NIPAL3: variants seen among roughly 807,000 people sequenced by gnomAD.
NIPAL3 encodes NIPA like domain containing 3.
Under a neutral mutation model 47.2 loss-of-function variants are expected in NIPAL3, and 41 were observed. The observed-to-expected ratio is 0.87, with a 90% CI of 0.68 to 1.13. The LOEUF (loss-of-function observed/expected upper bound fraction) is 1.13, where lower values mean the gene tolerates loss of function less well. Among genes scored for constraint, NIPAL3 ranks in the 50% most tolerant of loss-of-function variants. The pLI is 0.00. For missense variants in NIPAL3, 449 were observed against 530.1 expected, an observed-to-expected ratio of 0.85 and a Z score of 1.50; for synonymous variants, 194 against 209.6, an observed-to-expected ratio of 0.93 and a Z score of 0.64.
Position 24,451,503 on chromosome 1 carries a change from G to A in NIPAL3, c.540+1877G>A, listed in dbSNP as rs1645935384. The stretch of plus-strand genomic sequence containing the variant: ...TTGAGCCCAGGAACTTGAGACCAGT[G>A]TGGGCAATGTGGCAAAACCCCGTCT... On this transcript the variant is annotated intron_variant, in intron 6 of 11. Coordinates refer to ENST00000374399, the MANE Select transcript of NIPAL3 (RefSeq NM_020448.5). This position sits in a 1 kb window ranked among gnomAD's most constrained non-coding sequence, Gnocchi z 4.5. 6.6e-6 allele frequency among the ~76,000 whole-genome samples: 1 copy of A among 151,856 alleles called. No homozygotes were observed. Among genetic ancestry groups the A allele is most frequent in the Non-Finnish European group, 1.5e-5 (1 of 67,990 alleles).
intron 2 of NIPAL3, among the ~76,000 whole-genome samples, chr1:24,429,959 A>T (rs1170431121): frequency 6.6e-6 from 1 of 152,214 alleles, no homozygotes; most frequent in East Asian, 1.9e-4. Flanking sequence ...TATTGGTATG[A>T]TTGACTGAAA....
At chr1:24,441,994 ACAT>A in intron 3 of NIPAL3, 58 bp from the exon 4 acceptor site, 1 of 1,565,422 alleles carries the variant, frequency 6.4e-7, no homozygotes, top group Non-Finnish European at 8.7e-7. Context: ...TAGGGTACCT[ACAT>A]CATAGCATTT....
At chr1:24,447,148 C>T (rs1645708179) in intron 5 of NIPAL3, among the ~76,000 whole-genome samples, 3 of 152,170 alleles carry the variant, frequency 2.0e-5, no homozygotes, top group Admixed American at 1.3e-4. Context: ...GATGGTGGCC[C>T]AAGCTCTGTC....
chr1:24,441,685 C>A (rs1645392180), intron 3 of NIPAL3, among the ~76,000 whole-genome samples: 1 of 152,110 alleles, frequency 6.6e-6, no homozygotes, highest in Non-Finnish European at 1.5e-5. Flanking sequence ...AAGGGCCAGG[C>A]CAAGTGGGAT....
chr1:24,449,594 C>T lies in NIPAL3; in HGVS notation c.508C>T (p.His170Tyr), dbSNP rs1028633761. The change falls in exon 6 of 12, where the codon CAC becomes TAC. Residue 170 changes from histidine to tyrosine, a missense_variant. Coordinates refer to ENST00000374399, the MANE Select transcript of NIPAL3 (RefSeq NM_020448.5). This position sits in a 1 kb window ranked among gnomAD's most constrained non-coding sequence, Gnocchi z 4.5. ...EKMTGENVTR[H>Y]LVSWPFLLYM... ...GATGACAGGCGAGAATGTCACCAGG[C>T]ACCTCGTGAGCTGGCCTTTCCTTTT... 5 of 1,613,964 alleles carry T rather than the reference C, an allele frequency of 3.1e-6. No individual in the cohort carries two copies. The highest frequency in any genetic ancestry group is 4.2e-6 in the Non-Finnish European group (5 of 1,179,986).
chr1:24,445,300 T>C lies in NIPAL3; in HGVS notation c.394+56T>C, dbSNP rs1570303692. 26 of 1,235,970 alleles carry C rather than the reference T, an allele frequency of 2.1e-5. 1 individual carries two copies. The highest frequency in any genetic ancestry group is 3.0e-5 in the Non-Finnish European group (25 of 838,242). 76.6% of individuals were successfully genotyped at this position (1,235,970 alleles called of 1,614,324 possible). A position where few individuals can be genotyped will look rare whatever the true frequency, so the allele number is the denominator to read the frequency against. On this transcript the variant is annotated intron_variant, in intron 5 of 11. Coordinates refer to ENST00000374399, the MANE Select transcript of NIPAL3 (RefSeq NM_020448.5). Reference sequence around the variant, plus strand: ...ATTTTATATGAACGCTTTTTATTAATTGTAAAACCAGTTCACTCTAATTCA... The same window carrying C: ...ATTTTATATGAACGCTTTTTATTAACTGTAAAACCAGTTCACTCTAATTCA...
rs929664030 is a variant in NIPAL3 at position 24,437,069 on chromosome 1, G to C, written c.94-3103G>C. ...GATTGAGACCATCCTGGATAACACG[G>C]TGAAACCCACCTCTCTACTAAAAAT... is the stretch of plus-strand genomic sequence containing the variant. On this transcript the variant is annotated intron_variant, in intron 2 of 11. Coordinates refer to ENST00000374399, the MANE Select transcript of NIPAL3 (RefSeq NM_020448.5). Among the ~76,000 whole-genome samples, 5 of 152,102 alleles carry C rather than the reference G, an allele frequency of 3.3e-5. No homozygotes were observed. The East Asian group carries it at 9.8e-4, about 30-fold the overall frequency.
intron 2 of NIPAL3, among the ~76,000 whole-genome samples, chr1:24,425,939 C>T (rs1644566563): frequency 1.3e-5 from 2 of 152,174 alleles, no homozygotes; most frequent in African/African-American, 4.8e-5. Context: ...CCTTTAGCCA[C>T]CCTTTCATAG....
chr1:24,448,059 C>T (rs937745895), intron 5 of NIPAL3, among the ~76,000 whole-genome samples: 8 of 152,216 alleles, frequency 5.3e-5, no homozygotes, highest in African/African-American at 9.6e-5. Flanking sequence ...TGAGTTTAAC[C>T]GTGGCTCATT....
rs10664394 is a variant in NIPAL3, at chr1:24,471,578, CA to C, written c.*2413del. The C allele has an allele frequency of 2.9e-3, 227 of 77,030 alleles. 4 individuals carry two copies. In the South Asian group the frequency reaches 0.03, roughly 10 times the overall value. The allele number at this position is 77,030 out of a possible 1,614,324, so 4.8% of individuals were successfully genotyped here. A position where few individuals can be genotyped will look rare whatever the true frequency, so the allele number is the denominator to read the frequency against. ...CCTGGGTGACAATGAGACCATGGCT[CA>C]AAAAAAAAAAAAAAAAAAAGATAAG... On this transcript the variant is annotated 3_prime_UTR_variant, in exon 12 of 12. Transcript: ENST00000374399.
At chr1:24,435,286 A>C (rs1043112159) in intron 2 of NIPAL3, among the ~76,000 whole-genome samples, 1 of 152,268 alleles carries the variant, frequency 6.6e-6, no homozygotes, top group African/African-American at 2.4e-5. Context: ...GCTAAATGTA[A>C]GAGCTAAAAT....
intron 2 of NIPAL3, among the ~76,000 whole-genome samples, chr1:24,437,865 T>C (rs1208591927): frequency 6.6e-6 from 1 of 151,966 alleles, no homozygotes; most frequent in Non-Finnish European, 1.5e-5. Flanking sequence ...CCCAGCAAAA[T>C]CAGGGTGTCG....
In NIPAL3 at chr1:24,454,953, C is replaced by T. The variant is rs1646125069; in HGVS notation, c.638-1185C>T. 6.6e-6 allele frequency: 1 copy of T among 152,196 alleles called. No individual in the cohort carries two copies. The highest frequency in any genetic ancestry group is 1.5e-5 in the Non-Finnish European group (1 of 68,044). 9.4% of individuals were successfully genotyped at this position (152,196 alleles called of 1,614,324 possible). On this transcript the variant is annotated intron_variant, in intron 7 of 11. Transcript: ENST00000374399. This position sits in a 1 kb window ranked among gnomAD's most constrained non-coding sequence, Gnocchi z 4.1. ...GGAAGGATCACGGCCCTGAAACATCCTCTCCTCTTACGTAGGAAGGCCAGA... is the reference window on the plus strand; with the variant it reads ...GGAAGGATCACGGCCCTGAAACATCTTCTCCTCTTACGTAGGAAGGCCAGA...
At chr1:24,446,069 C>CGT (rs58016013) in intron 5 of NIPAL3, among the ~76,000 whole-genome samples, 4,820 of 147,734 alleles carry the variant, frequency 0.033, 165 homozygotes, top group African/African-American at 0.087. Flanking sequence ...AGATTATAGT[C>CGT]GTGTGTGTGT....
chr1:24,454,530 A>G lies in NIPAL3; in HGVS notation c.637+1026A>G. 2 of 989,578 alleles carry G rather than the reference A, an allele frequency of 2.0e-6. No homozygotes were observed. The highest frequency in any genetic ancestry group is 4.6e-5 in the South Asian group (1 of 21,734). 61.3% of individuals were successfully genotyped at this position (989,578 alleles called of 1,614,324 possible). A position where few individuals can be genotyped will look rare whatever the true frequency, so the allele number is the denominator to read the frequency against. The stretch of plus-strand genomic sequence containing the variant: ...ACCAAATAGATACCTGTCACCGAAG[A>G]CAGGGTTTCCTTAATTTTTTAACAG... On this transcript the variant is annotated intron_variant, in intron 7 of 11. Coordinates refer to ENST00000374399, the MANE Select transcript of NIPAL3 (RefSeq NM_020448.5). The surrounding 1 kb of genome is among the most constrained non-coding windows in gnomAD (Gnocchi z 4.1).
chr1:24,444,406 A>G (rs897396628), intron 4 of NIPAL3, among the ~76,000 whole-genome samples: 1 of 152,340 alleles, frequency 6.6e-6, no homozygotes, highest in South Asian at 2.1e-4. Flanking sequence ...CCTGATTTGT[A>G]GCGCTTGCCA....
At chr1:24,422,192 C>T (rs1644365254) in intron 2 of NIPAL3, 1 of 152,250 alleles carries the variant, frequency 6.6e-6, no homozygotes, top group African/African-American at 2.4e-5. Context: ...ATGATTGTTT[C>T]AGCATTGGCA....
intron 2 of NIPAL3, among the ~76,000 whole-genome samples, chr1:24,436,125 T>C (rs1645093125): frequency 6.6e-6 from 1 of 152,128 alleles, no homozygotes; most frequent in African/African-American, 2.4e-5. Context: ...CCTTAGGGGT[T>C]AGGACTTCAA....
At chr1:24,427,534 CT>C (rs1394698102) in intron 2 of NIPAL3, among the ~76,000 whole-genome samples, 1 of 152,172 alleles carries the variant, frequency 6.6e-6, no homozygotes, top group Non-Finnish European at 1.5e-5. Context: ...CATCTGTGTC[CT>C]TAGTGGAAAT....
Sources: allele counts gnomAD v4.1 joint callset (sites outside exome capture counted in the v4.1 genomes callset), GRCh38; gene constraint gnomAD v4.1.1; non-coding constraint Gnocchi (gnomAD v3.1); transcripts MANE v1.5; gene names NCBI Gene and HGNC (gene_info 2026-07-23, HGNC 2026-07-21).